The following SYT1 variants were observed in gnomAD, a reference collection of about 807,000 sequenced individuals.
SYT1 encodes synaptotagmin 1.
Under a neutral mutation model 44.8 loss-of-function variants are expected in SYT1, and 8 were observed. That is an observed-to-expected ratio of 0.18 (90% confidence interval 0.10 to 0.32). The LOEUF is 0.32. SYT1 is among the 10% of genes least tolerant of loss of function. The pLI is 1.00. For missense variants in SYT1, 286 were observed against 509.3 expected (o/e 0.56, Z 4.22); for synonymous variants, 154 against 188.8 (o/e 0.82, Z 1.51).
At chr12:79,301,897 A>G (rs937997341) in intron 8 of SYT1, among the ~76,000 whole-genome samples, 10 of 152,188 alleles carry the variant, frequency 6.6e-5, no homozygotes, top group African/African-American at 2.4e-4. Flanking sequence ...GTTATAAAAA[A>G]CTGTATAAGA....
At chr12:79,364,053 A>G (rs545580981) in intron 9 of SYT1, among the ~76,000 whole-genome samples, 1 of 152,312 alleles carries the variant, frequency 6.6e-6, no homozygotes, top group Non-Finnish European at 1.5e-5. Flanking sequence ...CATCTTCCAA[A>G]TGATCTGACT....
intron 3 of SYT1, among the ~76,000 whole-genome samples, chr12:79,125,075 T>C (rs1228710251): frequency 1.3e-5 from 2 of 152,146 alleles, no homozygotes; most frequent in Admixed American, 6.6e-5. Context: ...GACTACAGTA[T>C]AACATATGCA....
chr12:79,179,167 T>C (rs1220679027), intron 3 of SYT1, among the ~76,000 whole-genome samples: 4 of 79,848 alleles, frequency 5.0e-5, no homozygotes, highest in Non-Finnish European at 7.7e-5. Context: ...TATATAGATA[T>C]AGATATAGAT....
chr12:79,034,506 C>T (rs1873004453), intron 2 of SYT1, among the ~76,000 whole-genome samples: 1 of 151,692 alleles, frequency 6.6e-6, no homozygotes, highest in African/African-American at 2.4e-5. Context: ...GAATTTAGAT[C>T]CCAGCTCTGA....
intron 8 of SYT1, among the ~76,000 whole-genome samples, chr12:79,318,236 T>C (rs1016796318): frequency 6.6e-6 from 1 of 152,044 alleles, no homozygotes; most frequent in African/African-American, 2.4e-5. Context: ...AGATAAGGAG[T>C]TGTGCCTCCG....
chr12:79,157,524 A>G (rs1276722631), intron 3 of SYT1, among the ~76,000 whole-genome samples: 2 of 152,178 alleles, frequency 1.3e-5, no homozygotes, highest in African/African-American at 4.8e-5. Context: ...CCTGACAAAA[A>G]TAATGTACTC....
intron 8 of SYT1, among the ~76,000 whole-genome samples, chr12:79,349,488 A>T (rs1487989894): frequency 6.6e-6 from 1 of 152,136 alleles, no homozygotes; most frequent in Non-Finnish European, 1.5e-5. Flanking sequence ...AAAACTCATG[A>T]TTTTGAGTTA....
chr12:78,905,906 T>TC (rs1001376893), intron 1 of SYT1, among the ~76,000 whole-genome samples: 40 of 152,172 alleles, frequency 2.6e-4, no homozygotes, highest in African/African-American at 9.6e-4. Flanking sequence ...GGAAGTTTTT[T>TC]CCCCCAAAGG....
chr12:79,415,793 A>G (rs954225677), intron 9 of SYT1, among the ~76,000 whole-genome samples: 6 of 152,214 alleles, frequency 3.9e-5, no homozygotes, highest in African/African-American at 7.2e-5. Context: ...AATTAAGCCA[A>G]TTTTCCAGTT....
intron 1 of SYT1, among the ~76,000 whole-genome samples, chr12:78,923,675 T>G (rs1176768696): frequency 6.6e-6 from 1 of 151,600 alleles, no homozygotes; most frequent in Non-Finnish European, 1.5e-5. Context: ...GAACTCTCTC[T>G]CCACCCCCCC....
At position 79,043,756 on chromosome 12, in the gene SYT1, G is replaced by A. The variant is rs537934759; in HGVS notation, c.-83-3541G>A. On this transcript the variant is annotated intron_variant, in intron 2 of 10. Coordinates refer to ENST00000261205, the MANE Select transcript of SYT1 (RefSeq NM_005639.3). ...TTACATTTTGGCATGATTTTGCAGC[G>A]GCTGGTGCCAGTTGTTCCTTTCCAT... Among the ~76,000 whole-genome samples the A allele has an allele frequency of 1.2e-4, 18 of 152,226 alleles. 1 individual carries two copies. The highest frequency in any genetic ancestry group is 5.8e-4 in the East Asian group (3 of 5,170).
Position 78,941,976 on chromosome 12 carries a change from T to A in SYT1, c.-216-35823T>A, listed in dbSNP as rs374034069. On this transcript the variant is annotated intron_variant, in intron 1 of 10. Transcript: ENST00000261205. ...TCTGCACACACATCCCAGCACTGTC[T>A]TCTAATCATTGAGGACACTGGCATC... is the stretch of plus-strand genomic sequence containing the variant. 8.5e-5 allele frequency among the ~76,000 whole-genome samples: 13 copies of A among 152,302 alleles called. No individual in the cohort carries two copies. The East Asian group carries it at 2.5e-3, about 29-fold the overall frequency.
intron 1 of SYT1, among the ~76,000 whole-genome samples, chr12:78,891,574 G>A (rs1238515197): frequency 6.6e-6 from 1 of 151,894 alleles, no homozygotes; most frequent in Non-Finnish European, 1.5e-5. Context: ...GAATTTTAAA[G>A]TCTCCACGGT....
chr12:79,004,944 C>T (rs559862954), intron 2 of SYT1, among the ~76,000 whole-genome samples: 1 of 151,980 alleles, frequency 6.6e-6, no homozygotes, highest in African/African-American at 2.4e-5. Context: ...GCAGAGTTTA[C>T]ACAAAAACTT....
intron 6 of SYT1, among the ~76,000 whole-genome samples, chr12:79,293,048 C>G (rs1192195879): frequency 6.6e-6 from 1 of 151,440 alleles, no homozygotes; most frequent in East Asian, 1.9e-4. Flanking sequence ...TGCAGTGGCT[C>G]AGGCCTGTAA....
At chr12:78,912,328 A>G (rs1485392732) in intron 1 of SYT1, among the ~76,000 whole-genome samples, 1 of 151,992 alleles carries the variant, frequency 6.6e-6, no homozygotes, top group African/African-American at 2.4e-5. Context: ...TGATAAATAC[A>G]CTGAAATTGC....
At chr12:79,202,942 C>T (rs1204110524) in intron 3 of SYT1, among the ~76,000 whole-genome samples, 1 of 152,118 alleles carries the variant, frequency 6.6e-6, no homozygotes, top group East Asian at 1.9e-4. Flanking sequence ...AGGGAAGACA[C>T]AACCCTGTTT....
chr12:79,165,785 A>C (rs1300254361), intron 3 of SYT1, among the ~76,000 whole-genome samples: 1 of 151,996 alleles, frequency 6.6e-6, no homozygotes, highest in Non-Finnish European at 1.5e-5. Context: ...TGAATTGTCC[A>C]CCTTCTCCAC....
At chr12:78,878,110 G>A (rs1346865198) in intron 1 of SYT1, among the ~76,000 whole-genome samples, 1 of 151,644 alleles carries the variant, frequency 6.6e-6, no homozygotes, top group Non-Finnish European at 1.5e-5. Context: ...CTTCCTTTTG[G>A]TTGTCATGGG....
Sources: allele counts gnomAD v4.1 joint callset (sites outside exome capture counted in the v4.1 genomes callset), GRCh38; gene constraint gnomAD v4.1.1; transcripts MANE v1.5; gene names NCBI Gene and HGNC (gene_info 2026-07-23, HGNC 2026-07-21).